Variants in UBE2E2 observed in about 807,000 individuals in gnomAD.
The protein encoded by UBE2E2 is ubiquitin conjugating enzyme E2 E2, also known as ubiquitin-conjugating enzyme E2 E2.
In UBE2E2, 6 loss-of-function variants were observed where a neutral mutation model predicts 24.7. The observed-to-expected ratio is 0.24, with a 90% confidence interval of 0.13 to 0.48. UBE2E2 has a LOEUF of 0.48. Ranked by LOEUF, UBE2E2 falls within the 20% of genes least tolerant of loss-of-function variation. UBE2E2 has a pLI of 0.99. For missense variants in UBE2E2, 169 were observed against 245.0 expected, an observed-to-expected ratio of 0.69 and a Z score of 2.07; for synonymous variants, 104 against 83.6, an observed-to-expected ratio of 1.24 and a Z score of -1.33.
chr3:23,407,521 T>G lies in UBE2E2; in HGVS notation c.228-92087T>G, dbSNP rs1697388219. On this transcript the variant is annotated intron_variant, in intron 3 of 5. Transcript: ENST00000396703. This position sits in a 1 kb window ranked among gnomAD's most constrained non-coding sequence, Gnocchi z 4.0. Reference sequence around the variant, plus strand: ...TCCCCTGCTCCCGTACTCATCCCTCTTCTTTCACTACCGTCAACATTTGCT... The same window carrying G: ...TCCCCTGCTCCCGTACTCATCCCTCGTCTTTCACTACCGTCAACATTTGCT... Among the ~76,000 whole-genome samples, 1 of 152,158 alleles carries G rather than the reference T, an allele frequency of 6.6e-6. No individual in the cohort carries two copies. Among genetic ancestry groups the G allele is most frequent in the African/African-American group, 2.4e-5 (1 of 41,464 alleles).
At chr3:23,265,693 T>G (rs1189446935) in intron 3 of UBE2E2, among the ~76,000 whole-genome samples, 3 of 152,118 alleles carry the variant, frequency 2.0e-5, no homozygotes, top group African/African-American at 7.2e-5. Flanking sequence ...TTGTTTTAGG[T>G]GGGCAGTACA....
intron 4 of UBE2E2, among the ~76,000 whole-genome samples, chr3:23,526,629 T>C (rs1695005410): frequency 6.6e-6 from 1 of 152,176 alleles, no homozygotes; most frequent in Non-Finnish European, 1.5e-5. Context: ...GGAGATTGCT[T>C]ACATTTCAAT....
intron 4 of UBE2E2, among the ~76,000 whole-genome samples, chr3:23,522,953 C>CA (rs1694902960): frequency 6.6e-6 from 1 of 151,544 alleles, no homozygotes; most frequent in Non-Finnish European, 1.5e-5. Context: ...TACCATGATA[C>CA]AATCTACCAT....
chr3:23,237,228 G>A (rs1021740828), intron 3 of UBE2E2, among the ~76,000 whole-genome samples: 7 of 152,160 alleles, frequency 4.6e-5, no homozygotes, highest in African/African-American at 9.7e-5. Context: ...TGTTGTTGCT[G>A]TTTATAAGGC....
intron 3 of UBE2E2, among the ~76,000 whole-genome samples, chr3:23,428,647 AAAG>A (rs1697984720): frequency 6.6e-6 from 1 of 152,146 alleles, no homozygotes; most frequent in Non-Finnish European, 1.5e-5. Flanking sequence ...GCCTCCAAAA[AAAG>A]AGAGAGAAGA....
intron 4 of UBE2E2, among the ~76,000 whole-genome samples, chr3:23,504,139 T>C (rs7613091): frequency 0.54 from 81,402 of 151,962 alleles, 22,405 homozygotes; most frequent in East Asian, 0.74. Flanking sequence ...TGTACATATA[T>C]ATACATAAAC....
intron 3 of UBE2E2, among the ~76,000 whole-genome samples, chr3:23,221,823 G>A (rs2125325215): frequency 6.6e-6 from 1 of 152,190 alleles, no homozygotes; most frequent in Middle Eastern, 3.4e-3. Context: ...TTTTAGTAGA[G>A]ACGGGGTTTC....
chr3:23,287,918 A>G (rs1392526268), intron 3 of UBE2E2, among the ~76,000 whole-genome samples: 3 of 149,956 alleles, frequency 2.0e-5, no homozygotes, highest in Non-Finnish European at 3.0e-5. Flanking sequence ...CTTTATTTTG[A>G]TTTCATTTAT....
At chr3:23,532,484 C>T in intron 4 of UBE2E2, 70 bp from the exon 5 acceptor site, 1 of 1,356,218 alleles carries the variant, frequency 7.4e-7, no homozygotes, top group African/African-American at 1.5e-5. Context: ...TTTTATTAGA[C>T]AAAAATTGTC....
intron 3 of UBE2E2, among the ~76,000 whole-genome samples, chr3:23,281,042 A>G (rs1263580435): frequency 1.3e-5 from 2 of 152,324 alleles, no homozygotes; most frequent in East Asian, 1.9e-4. Flanking sequence ...CTCTTCTTTT[A>G]TAATAGCACT....
Position 23,531,096 on chromosome 3 carries a change from C to T in UBE2E2, c.361-1458C>T, listed in dbSNP as rs147472151. Among the ~76,000 whole-genome samples the T allele has an allele frequency of 2.5e-3, 385 of 152,296 alleles. 4 individuals are homozygous for T. Among genetic ancestry groups the T allele is most frequent in the African/African-American group, 8.9e-3 (369 of 41,566 alleles). On this transcript the variant is annotated intron_variant, in intron 4 of 5. Coordinates refer to ENST00000396703, the MANE Select transcript of UBE2E2 (RefSeq NM_152653.4). ...AGAAGGGCAGTTCTCATTAGAAGTA[C>T]TAATTTAACCTGAGAATGATGTCTC...
chr3:23,386,779 T>C (rs1315779739), intron 3 of UBE2E2, among the ~76,000 whole-genome samples: 3 of 152,222 alleles, frequency 2.0e-5, no homozygotes, highest in Non-Finnish European at 4.4e-5. Context: ...AGTAGAATTT[T>C]GAATTTGAAG....
rs569107810 is a variant in UBE2E2 at position 23,513,152 on chromosome 3, T to C, written c.360+13412T>C. 1.0e-3 allele frequency among the ~76,000 whole-genome samples: 157 copies of C among 152,284 alleles called. 2 individuals carry two copies. Among genetic ancestry groups the C allele is most frequent in the African/African-American group, 3.6e-3 (151 of 41,566 alleles). On this transcript the variant is annotated intron_variant, in intron 4 of 5. Coordinates refer to ENST00000396703, the MANE Select transcript of UBE2E2 (RefSeq NM_152653.4). ...TTCCAGTTTATTTTCTTCATTTCTT[T>C]TTTCTTTTCTCTCTTCCAGACATCA...
At chr3:23,541,212 A>G (rs1695389477) in intron 5 of UBE2E2, among the ~76,000 whole-genome samples, 1 of 152,238 alleles carries the variant, frequency 6.6e-6, no homozygotes, top group Non-Finnish European at 1.5e-5. Flanking sequence ...CCAATGTCTG[A>G]GTCAGATCCC....
At chr3:23,530,103 G>T (rs1303170017) in intron 4 of UBE2E2, among the ~76,000 whole-genome samples, 1 of 152,146 alleles carries the variant, frequency 6.6e-6, no homozygotes, top group Non-Finnish European at 1.5e-5. Context: ...TCTTTTATAT[G>T]TAGATTCTGA....
At chr3:23,216,068 G>C (rs1240704015) in intron 2 of UBE2E2, among the ~76,000 whole-genome samples, 2 of 152,136 alleles carry the variant, frequency 1.3e-5, no homozygotes, top group East Asian at 3.8e-4. Context: ...CACAGGGAGA[G>C]AGAGCAAGCA....
chr3:23,430,390 G>T (rs1459949606), intron 3 of UBE2E2, among the ~76,000 whole-genome samples: 1 of 151,896 alleles, frequency 6.6e-6, no homozygotes, highest in Non-Finnish European at 1.5e-5. Context: ...GGTAGTGATA[G>T]TAACACTACC....
intron 3 of UBE2E2, among the ~76,000 whole-genome samples, chr3:23,434,697 T>C (rs1165895076): frequency 6.6e-6 from 1 of 152,124 alleles, no homozygotes; most frequent in Admixed American, 6.5e-5. Flanking sequence ...TACTACTGAG[T>C]TCAGGAAACA....
chr3:23,239,546 A>G (rs1291997566), intron 3 of UBE2E2, among the ~76,000 whole-genome samples: 1 of 152,008 alleles, frequency 6.6e-6, no homozygotes, highest in Non-Finnish European at 1.5e-5. Context: ...GGCCTTTTAT[A>G]TCTGGTGTCT....
Sources: gnomAD v4.1 joint callset for allele counts (sites outside exome capture counted in the v4.1 genomes callset) on GRCh38, gnomAD v4.1.1 for gene constraint, Gnocchi (gnomAD v3.1) non-coding constraint, MANE v1.5 for transcripts, NCBI Gene and HGNC (gene_info 2026-07-23, HGNC 2026-07-21) for gene names.